The following RRM2B variants were observed in gnomAD, a reference collection of about 807,000 sequenced individuals.
RRM2B encodes the protein ribonucleotide reductase regulatory TP53 inducible subunit M2B.
RRM2B carries 20 observed loss-of-function variants against 45.9 expected under a neutral mutation model. The observed-to-expected ratio is 0.44, with a 90% CI of 0.31 to 0.63. RRM2B has a LOEUF of 0.63. Ranked by LOEUF, RRM2B falls within the 30% of genes least tolerant of loss-of-function variation. The pLI, the probability that RRM2B is intolerant of heterozygous loss-of-function variation, is 0.09. For missense variants in RRM2B, 320 were observed against 414.7 expected (o/e 0.77, Z 1.98); for synonymous variants, 124 against 132.3 (o/e 0.94, Z 0.43).
At chr8:102,214,356 T>C in intron 6 of RRM2B, 198 bp from the exon 7 acceptor site, 1 of 593,706 alleles carries the variant, frequency 1.7e-6, no homozygotes, top group Non-Finnish European at 3.0e-6. Flanking sequence ...TAATAAAAAT[T>C]TTCAATGCCA....
chr8:102,218,058 T>C (rs1178548119), intron 6 of RRM2B, among the ~76,000 whole-genome samples: 1 of 152,194 alleles, frequency 6.6e-6, no homozygotes, highest in African/African-American at 2.4e-5. Context: ...GTTTGATTTC[T>C]GAAATAACAG....
chr8:102,217,827 TAA>T (rs113005118), intron 6 of RRM2B, among the ~76,000 whole-genome samples: 4 of 140,436 alleles, frequency 2.8e-5, no homozygotes, highest in Non-Finnish European at 3.1e-5. Context: ...CAAAAAGGTT[TAA>T]AAAAAAAAAA....
rs29000278 is a variant in RRM2B, at chr8:102,212,639, C to T, written c.903+137G>A. 2,135 of 579,336 alleles carry T rather than the reference C, an allele frequency of 3.7e-3. 24 individuals carry two copies. The highest frequency in any genetic ancestry group is 0.034 in the African/African-American group (1,793 of 52,906). 35.9% of individuals were successfully genotyped at this position (579,336 alleles called of 1,614,324 possible). A position where few individuals can be genotyped will look rare whatever the true frequency, so the allele number is the denominator to read the frequency against. ...TCAAAGGATTTTGCAAAACCTTGTT[C>T]ATACAAAACAAGTCTCTGTCATTGA... On this transcript the variant is annotated intron_variant, in intron 8 of 8. Transcript: ENST00000251810.
intron 6 of RRM2B, among the ~76,000 whole-genome samples, chr8:102,215,921 G>A (rs1474424706): frequency 1.5e-5 from 2 of 133,590 alleles, no homozygotes; most frequent in African/African-American, 6.1e-5. Flanking sequence ...ACTCAGCCTG[G>A]GTGACAGAGA....
At chr8:102,226,079 C>A (rs1810927172) in intron 2 of RRM2B, 45 bp from the exon 3 acceptor site, 1 of 1,174,048 alleles carries the variant, frequency 8.5e-7, no homozygotes, top group South Asian at 1.2e-5. Flanking sequence ...GAGTTAAGTT[C>A]TTCTCAAAGT....
At chr8:102,222,428 T>C (rs188004086) in intron 5 of RRM2B, among the ~76,000 whole-genome samples, 4 of 152,312 alleles carry the variant, frequency 2.6e-5, no homozygotes, top group Non-Finnish European at 4.4e-5. Flanking sequence ...CATATCTGCT[T>C]CATCCCTGGT....
intron 1 of RRM2B, 30 bp from the exon 2 acceptor site, chr8:102,232,334 T>C (rs1811047227): frequency 1.9e-6 from 3 of 1,604,808 alleles, no homozygotes; most frequent in Non-Finnish European, 8.5e-7. Flanking sequence ...AACACGCCTT[T>C]TATATAGACA....
In RRM2B at chr8:102,214,177, G is replaced by C; in HGVS notation, c.685-19C>G. On this transcript the variant is annotated intron_variant, in intron 6 of 8. Transcript: ENST00000251810. ...GAAGTCCCTAAAAGGGAAGAAAAAT[G>C]TCATTGTCAAATAACTTTTAATCAG... 6.5e-7 allele frequency: 1 copy of C among 1,529,946 alleles called. No individual in the cohort carries two copies. Among genetic ancestry groups the C allele is most frequent in the Non-Finnish European group, 9.1e-7 (1 of 1,103,924 alleles). 94.8% of individuals were successfully genotyped at this position (1,529,946 alleles called of 1,614,324 possible). A position where few individuals can be genotyped will look rare whatever the true frequency, so the allele number is the denominator to read the frequency against.
chr8:102,208,503 T>A (rs1224808259), intron 8 of RRM2B, among the ~76,000 whole-genome samples: 2 of 152,038 alleles, frequency 1.3e-5, no homozygotes, highest in Admixed American at 6.5e-5. Flanking sequence ...TGTACTAGCA[T>A]CTCTGGTATT....
chr8:102,216,249 A>C (rs2132547260), intron 6 of RRM2B, among the ~76,000 whole-genome samples: 1 of 152,194 alleles, frequency 6.6e-6, no homozygotes, highest in South Asian at 2.1e-4. Flanking sequence ...GTTTAAAATA[A>C]AATTAAATTC....
chr8:102,224,396 A>C (rs572437520), intron 4 of RRM2B, among the ~76,000 whole-genome samples: 85 of 152,224 alleles, frequency 5.6e-4, no homozygotes, highest in Non-Finnish European at 1.1e-3. Context: ...GGATGGTCTC[A>C]ATCTCCTGAC....
intron 8 of RRM2B, among the ~76,000 whole-genome samples, chr8:102,210,997 G>A (rs1225057564): frequency 6.6e-6 from 1 of 151,598 alleles, no homozygotes; most frequent in African/African-American, 2.4e-5. Flanking sequence ...GGAGATACAT[G>A]TATATGCAGA....
chr8:102,221,324 T>C (rs1393038285), intron 5 of RRM2B, among the ~76,000 whole-genome samples: 1 of 152,166 alleles, frequency 6.6e-6, no homozygotes, highest in Non-Finnish European at 1.5e-5. Flanking sequence ...TGGATCTTAG[T>C]GCAAAAGGCA....
chr8:102,232,681 T>C (rs1344480388), intron 1 of RRM2B, among the ~76,000 whole-genome samples: 1 of 151,688 alleles, frequency 6.6e-6, no homozygotes, highest in Non-Finnish European at 1.5e-5. Context: ...ATGGGCAAAT[T>C]TCTAAGTTTG....
chr8:102,215,583 G>A (rs1810715724), intron 6 of RRM2B, among the ~76,000 whole-genome samples: 1 of 152,096 alleles, frequency 6.6e-6, no homozygotes, highest in South Asian at 2.1e-4. Flanking sequence ...AGAAAGAAAA[G>A]TACACTTCAA....
Position 102,212,878 on chromosome 8 carries a change from T to C in RRM2B, c.801A>G (p.Thr267=). ...CAATGAGGCCAACTGGCAAGGCTTC[T>C]GTTAAAAACTCCTGGGATGAAAACA... ...DAVKIEQEFL[T]EALPVGLIGM... Residue 267 remains threonine (T), a synonymous_variant, in exon 8 of 9, where the codon ACA becomes ACG. Coordinates refer to ENST00000251810, the MANE Select transcript of RRM2B (RefSeq NM_015713.5). 1.3e-6 allele frequency: 2 copies of C among 1,573,902 alleles called. No individual in the cohort carries two copies. Among genetic ancestry groups the C allele is most frequent in the African/African-American group, 1.3e-5 (1 of 74,190 alleles).
chr8:102,218,981 T>C, intron 5 of RRM2B, 34 bp from the exon 6 acceptor site: 1 of 1,600,592 alleles, frequency 6.2e-7, no homozygotes, highest in Non-Finnish European at 8.6e-7. Context: ...ATTTTTGAAA[T>C]ATACTGCAAA....
intron 6 of RRM2B, among the ~76,000 whole-genome samples, chr8:102,216,050 T>C (rs1196170782): frequency 1.3e-5 from 2 of 151,150 alleles, no homozygotes; most frequent in African/African-American, 2.4e-5. Context: ...TTAAAATATA[T>C]GAAACTATAA....
At chr8:102,210,917 T>C (rs1261783268) in intron 8 of RRM2B, among the ~76,000 whole-genome samples, 1 of 152,192 alleles carries the variant, frequency 6.6e-6, no homozygotes, top group African/African-American at 2.4e-5. Context: ...TTTTGATACA[T>C]AGTAATCATA....
Sources: gnomAD v4.1 joint callset for allele counts (sites outside exome capture counted in the v4.1 genomes callset) on GRCh38, gnomAD v4.1.1 for gene constraint, MANE v1.5 for transcripts, NCBI Gene and HGNC (gene_info 2026-07-23, HGNC 2026-07-21) for gene names.